Variants in RBPJ observed in about 807,000 individuals in gnomAD.
The protein encoded by RBPJ is recombining binding protein suppressor of hairless.
A neutral mutation model predicts 67.8 loss-of-function variants in RBPJ; 9 were observed. The ratio of observed to expected loss-of-function variants is 0.13; its 90% CI spans 0.08 to 0.23. The LOEUF is 0.23. Among genes scored for constraint, RBPJ ranks in the 10% least tolerant of loss-of-function variants. RBPJ has a pLI of 1.00. For missense variants in RBPJ, 305 were observed against 595.6 expected (o/e 0.51, Z 5.08); for synonymous variants, 198 against 203.3 (o/e 0.97, Z 0.22).
chr4:26,426,701 G>T (rs939686408), intron 7 of RBPJ, among the ~76,000 whole-genome samples: 2 of 152,162 alleles, frequency 1.3e-5, no homozygotes, highest in East Asian at 3.8e-4. Flanking sequence ...TTTTGAAGTC[G>T]CAGTATTTGA....
At chr4:26,129,705 A>G in the RBPJ span, among the ~76,000 whole-genome samples, 2 of 152,194 alleles carry the variant, frequency 1.3e-5, no homozygotes, top group Non-Finnish European at 2.9e-5. Flanking sequence ...TTCAGCAACC[A>G]GCATCTGTAT....
At chr4:26,374,905 G>GTTAA (rs1341495753) in intron 1 of RBPJ, among the ~76,000 whole-genome samples, 3 of 152,120 alleles carry the variant, frequency 2.0e-5, no homozygotes, top group Non-Finnish European at 1.5e-5. Flanking sequence ...TTATAATCTA[G>GTTAA]TTAACATTTT....
chr4:26,358,944 T>G (rs2109483627), intron 1 of RBPJ, among the ~76,000 whole-genome samples: 1 of 152,256 alleles, frequency 6.6e-6, no homozygotes, highest in South Asian at 2.1e-4. Context: ...TTATCCCAGT[T>G]TTTCAAAAGG....
chr4:26,243,493 T>G (rs920144388), intron 1 of RBPJ, among the ~76,000 whole-genome samples: 12 of 152,216 alleles, frequency 7.9e-5, no homozygotes, highest in Non-Finnish European at 1.6e-4. Context: ...AGAATAATTG[T>G]GATATTAATG....
intron 1 of RBPJ, among the ~76,000 whole-genome samples, chr4:26,166,894 T>A (rs1381495731): frequency 1.3e-5 from 2 of 152,352 alleles, no homozygotes; most frequent in East Asian, 3.9e-4. Flanking sequence ...AATGTTTGTA[T>A]AAGGTGTAAG....
chr4:26,202,595 G>A (rs1044717271), intron 1 of RBPJ, among the ~76,000 whole-genome samples: 2 of 151,764 alleles, frequency 1.3e-5, no homozygotes, highest in East Asian at 3.9e-4. Context: ...CAGCAAATCT[G>A]GTTGTCTCTT....
intron 1 of RBPJ, among the ~76,000 whole-genome samples, chr4:26,350,816 G>A (rs1259984111): frequency 1.3e-5 from 2 of 152,160 alleles, no homozygotes; most frequent in East Asian, 3.8e-4. Context: ...TTTAATATGG[G>A]AAACAAGTTT....
intron 1 of RBPJ, among the ~76,000 whole-genome samples, chr4:26,306,353 G>A (rs1292224159): frequency 6.6e-6 from 1 of 151,822 alleles, no homozygotes; most frequent in Non-Finnish European, 1.5e-5. Context: ...CTAGTTTGTC[G>A]AGCGTTTGCC....
At position 26,350,391 on chromosome 4, in the gene RBPJ, A is replaced by G. The variant is rs143455519; in HGVS notation, c.20+29343A>G. The stretch of plus-strand genomic sequence containing the variant: ...TTATGTCCATATGATTCCCCAAGTC[A>G]TATTTCAGTCTTTCTGCCATGACAG... On this transcript the variant is annotated intron_variant, in intron 1 of 10. Coordinates refer to ENST00000355476, the MANE Select transcript of RBPJ (RefSeq NM_015874.6). 1.8e-3 allele frequency among the ~76,000 whole-genome samples: 280 copies of G among 152,296 alleles called. 1 individual carries two copies. Among genetic ancestry groups the G allele is most frequent in the African/African-American group, 6.1e-3 (252 of 41,580 alleles).
chr4:26,417,301 T>G (rs1009660490), intron 4 of RBPJ, among the ~76,000 whole-genome samples: 1 of 152,232 alleles, frequency 6.6e-6, no homozygotes, highest in Non-Finnish European at 1.5e-5. Context: ...ACTGCTTGCC[T>G]TTCGCAGCAT....
intron 1 of RBPJ, among the ~76,000 whole-genome samples, chr4:26,335,845 G>A (rs1724770649): frequency 2.0e-5 from 3 of 151,062 alleles, no homozygotes; most frequent in South Asian, 4.2e-4. Flanking sequence ...GGATGGTCTC[G>A]AACTTCTGAC....
chr4:26,106,493 G>A, the RBPJ span, among the ~76,000 whole-genome samples: 1 of 152,176 alleles, frequency 6.6e-6, no homozygotes, highest in African/African-American at 2.4e-5. Context: ...CCTTATCATG[G>A]CATATCACCT....
At chr4:26,115,746 A>T in the RBPJ span, among the ~76,000 whole-genome samples, 1 of 152,202 alleles carries the variant, frequency 6.6e-6, no homozygotes, top group South Asian at 2.1e-4. Flanking sequence ...GTGAATGGGT[A>T]TGGCTGTTAT....
chr4:26,269,337 C>A (rs1229518324), intron 1 of RBPJ, among the ~76,000 whole-genome samples: 1 of 151,726 alleles, frequency 6.6e-6, no homozygotes, highest in Admixed American at 6.6e-5. Flanking sequence ...CTCACTGCAA[C>A]CTCTGCCTCC....
At chr4:26,319,807 G>T, upstream of RBPJ, 1 of 1,428,452 alleles carries the variant, frequency 7.0e-7, no homozygotes, top group Non-Finnish European at 9.9e-7. Context: ...CGGGTTTTGG[G>T]GCTCCCTGCG....
intron 1 of RBPJ, among the ~76,000 whole-genome samples, chr4:26,285,611 C>T (rs1721437386): frequency 1.4e-5 from 2 of 145,746 alleles, no homozygotes; most frequent in South Asian, 2.2e-4. Context: ...CTGCCATCAA[C>T]TCTACACCTC....
At chr4:26,370,442 A>T (rs1215766750) in intron 1 of RBPJ, among the ~76,000 whole-genome samples, 6 of 152,280 alleles carry the variant, frequency 3.9e-5, no homozygotes, top group African/African-American at 1.4e-4. Flanking sequence ...TATAGTAAAG[A>T]ATTGCCTGGG....
chr4:26,420,170 A>ATT (rs10707719), intron 4 of RBPJ, among the ~76,000 whole-genome samples: 4 of 149,736 alleles, frequency 2.7e-5, no homozygotes, highest in African/African-American at 1.0e-4. Context: ...CTTTATTATT[A>ATT]TTTTTTTTTT....
At chr4:26,258,111 G>T (rs1337999621) in intron 1 of RBPJ, among the ~76,000 whole-genome samples, 6 of 152,360 alleles carry the variant, frequency 3.9e-5, no homozygotes, top group Admixed American at 2.0e-4. Flanking sequence ...CACAGAAAAT[G>T]GTCTCAGTGG....
Sources: gnomAD v4.1 joint callset for allele counts (sites outside exome capture counted in the v4.1 genomes callset) on GRCh38, gnomAD v4.1.1 for gene constraint, MANE v1.5 for transcripts, NCBI Gene and HGNC (gene_info 2026-07-23, HGNC 2026-07-21) for gene names.